The following PLPPR4 variants were observed in gnomAD, a reference collection of about 807,000 sequenced individuals.
PLPPR4 encodes the protein phospholipid phosphatase-related protein type 4.
A neutral mutation model predicts 56.6 loss-of-function variants in PLPPR4; 24 were observed. The observed-to-expected ratio is 0.42, with a 90% CI of 0.31 to 0.60. The LOEUF (loss-of-function observed/expected upper bound fraction) is 0.60. Ranked by LOEUF, PLPPR4 falls within the 20% of genes least tolerant of loss-of-function variation. The pLI is 0.13. For missense variants in PLPPR4, 654 were observed against 885.8 expected (o/e 0.74, Z 3.32); for synonymous variants, 326 against 328.1 (o/e 0.99, Z 0.07).
intron 1 of PLPPR4, among the ~76,000 whole-genome samples, chr1:99,280,970 G>C (rs1402082481): frequency 1.3e-5 from 2 of 152,132 alleles, no homozygotes; most frequent in African/African-American, 4.8e-5. Flanking sequence ...GCATGATGAG[G>C]TGTGAATTCT....
intron 1 of PLPPR4, among the ~76,000 whole-genome samples, chr1:99,270,890 TA>T (rs1428578608): frequency 6.6e-6 from 1 of 152,194 alleles, no homozygotes; most frequent in African/African-American, 2.4e-5. Flanking sequence ...TCACAATGCA[TA>T]AAGTCTGATG....
chr1:99,279,997 T>C lies in PLPPR4; in HGVS notation c.79-7968T>C, dbSNP rs144584815. ...ATTGGAACAAACAAAGCAATTTTCA[T>C]GTTTGGGTGATAAAGAATAAGTGAG... On this transcript the variant is annotated intron_variant, in intron 1 of 6. Coordinates refer to ENST00000370185, the MANE Select transcript of PLPPR4 (RefSeq NM_014839.5). 6.3e-3 allele frequency among the ~76,000 whole-genome samples: 964 copies of C among 152,252 alleles called. 24 individuals are homozygous for C. Among genetic ancestry groups the C allele is most frequent in the Non-Finnish European group, 4.3e-3 (294 of 68,012 alleles).
At chr1:99,298,783 T>A (rs1659809525) in intron 3 of PLPPR4, 1 of 609,444 alleles carries the variant, frequency 1.6e-6, no homozygotes, top group African/African-American at 1.9e-5. Context: ...CAGTTAATGT[T>A]AAGAATTGGC....
intron 1 of PLPPR4, among the ~76,000 whole-genome samples, chr1:99,269,400 C>T (rs753944043): frequency 2.0e-5 from 3 of 152,164 alleles, no homozygotes; most frequent in Non-Finnish European, 4.4e-5. Flanking sequence ...GTATATGTGT[C>T]TTTATAGTAG....
At chr1:99,297,725 A>G (rs1570921543) in intron 3 of PLPPR4, among the ~76,000 whole-genome samples, 3 of 152,086 alleles carry the variant, frequency 2.0e-5, no homozygotes, top group Admixed American at 2.0e-4. Flanking sequence ...TCCACTAAGC[A>G]TTTTCTTACC....
At chr1:99,288,241 C>A in intron 2 of PLPPR4, 91 bp downstream of exon 2, 2 of 1,106,690 alleles carry the variant, frequency 1.8e-6, no homozygotes, top group East Asian at 2.5e-5. Flanking sequence ...GCAAACAAAA[C>A]GTGAACTCTA....
intron 1 of PLPPR4, among the ~76,000 whole-genome samples, chr1:99,274,982 C>G (rs1416002494): frequency 6.6e-6 from 1 of 152,078 alleles, no homozygotes; most frequent in Non-Finnish European, 1.5e-5. Flanking sequence ...AATGAGTCAT[C>G]TCATTTAGGC....
Position 99,305,980 on chromosome 1 carries a change from A to G in PLPPR4, c.1118A>G (p.Asn373Ser), listed in dbSNP as rs749779838. The G allele has an allele frequency of 5.6e-6, 9 of 1,614,040 alleles. No individual in the cohort carries two copies. Among genetic ancestry groups the G allele is most frequent in the South Asian group, 1.1e-5 (1 of 91,078 alleles). ...TTCAGCAATACCTTGCCGCGAGCCA[A>G]TACCCCATCTGTAGAAGACCCTGTC... is the stretch of plus-strand genomic sequence containing the variant. ...VTFSNTLPRANTPSVEDPVRR... is the reference protein window; with the variant it reads ...VTFSNTLPRASTPSVEDPVRR... Residue 373 changes from asparagine to serine, a missense_variant, in exon 7 of 7, where the codon AAT becomes AGT. Physicochemically the swap from Asn to Ser is conservative, Grantham distance 46 (BLOSUM62 1). This residue lies in a region of PLPPR4 where 468 missense variants were observed against 554.3 expected (regional missense o/e 0.84). Coordinates refer to ENST00000370185, the MANE Select transcript of PLPPR4 (RefSeq NM_014839.5).
chr1:99,293,693 T>A (rs1659676079), intron 2 of PLPPR4, among the ~76,000 whole-genome samples: 1 of 152,172 alleles, frequency 6.6e-6, no homozygotes, highest in African/African-American at 2.4e-5. Flanking sequence ...ATGCAGAATA[T>A]TAGACATGTT....
intron 3 of PLPPR4, among the ~76,000 whole-genome samples, chr1:99,298,557 G>A (rs1659802691): frequency 6.6e-6 from 1 of 152,070 alleles, no homozygotes; most frequent in Non-Finnish European, 1.5e-5. Flanking sequence ...GTTTTAATTA[G>A]CATTCCTAGT....
chr1:99,295,207 CAT>C (rs1659713550), intron 2 of PLPPR4, among the ~76,000 whole-genome samples: 1 of 152,122 alleles, frequency 6.6e-6, no homozygotes, highest in South Asian at 2.1e-4. Context: ...GATTTTCACA[CAT>C]ATGGTTATAG....
intron 1 of PLPPR4, among the ~76,000 whole-genome samples, chr1:99,284,975 G>C (rs528230388): frequency 6.6e-6 from 1 of 152,072 alleles, no homozygotes; most frequent in East Asian, 1.9e-4. Context: ...TTCCTAAAAA[G>C]AAGTACTAGG....
intron 1 of PLPPR4, among the ~76,000 whole-genome samples, chr1:99,271,250 C>T (rs142468422): frequency 2.2e-4 from 33 of 152,314 alleles, no homozygotes; most frequent in African/African-American, 5.8e-4. Flanking sequence ...AACTACCCTA[C>T]TGAGAAGGCA....
Position 99,301,711 on chromosome 1 carries a change from T to G in PLPPR4, c.649-13T>G. The G allele has an allele frequency of 1.9e-6, 3 of 1,590,772 alleles. No individual in the cohort carries two copies. The highest frequency in any genetic ancestry group is 2.6e-6 in the Non-Finnish European group (3 of 1,166,076). On this transcript the variant is annotated splice_polypyrimidine_tract_variant and intron_variant, in intron 5 of 6. Transcript: ENST00000370185. The stretch of plus-strand genomic sequence containing the variant: ...CTTTCTAACATACTTAACCCATTTC[T>G]TCCATTTTTAAGATGTACTTCAATT...
chr1:99,263,162 G>T (rs1375905661), upstream of PLPPR4, among the ~76,000 whole-genome samples: 1 of 152,158 alleles, frequency 6.6e-6, no homozygotes, highest in Non-Finnish European at 1.5e-5. Context: ...GACCTACTTG[G>T]AGTTTGTGGT....
chr1:99,290,405 C>T (rs908964956), intron 2 of PLPPR4, among the ~76,000 whole-genome samples: 9 of 152,090 alleles, frequency 5.9e-5, no homozygotes, highest in Admixed American at 2.0e-4. Flanking sequence ...TCCCATTGAA[C>T]TACCAATGAT....
chr1:99,275,010 GA>G (rs1251221902), intron 1 of PLPPR4, among the ~76,000 whole-genome samples: 1 of 152,046 alleles, frequency 6.6e-6, no homozygotes, highest in Non-Finnish European at 1.5e-5. Flanking sequence ...TGATTCATTG[GA>G]ATCTTTTTTT....
At chr1:99,292,529 C>T (rs548534371) in intron 2 of PLPPR4, among the ~76,000 whole-genome samples, 1 of 152,290 alleles carries the variant, frequency 6.6e-6, no homozygotes, top group Non-Finnish European at 1.5e-5. Context: ...CACAGAACCT[C>T]CATAGCTGCT....
Position 99,304,392 on chromosome 1 carries a change from A to G in PLPPR4, c.823-1293A>G, listed in dbSNP as rs145075447. Among the ~76,000 whole-genome samples the G allele has an allele frequency of 8.1e-3, 1,228 of 152,320 alleles. 18 individuals carry two copies. The highest frequency in any genetic ancestry group is 0.028 in the African/African-American group (1,170 of 41,562). The stretch of plus-strand genomic sequence containing the variant: ...TGTAAGTGAACTTTATGATGTTCAC[A>G]CAATGACAAAATCACCTGTCAATGC... On this transcript the variant is annotated intron_variant, in intron 6 of 6. Coordinates refer to ENST00000370185, the MANE Select transcript of PLPPR4 (RefSeq NM_014839.5).
Sources: allele counts gnomAD v4.1 joint callset (sites outside exome capture counted in the v4.1 genomes callset), GRCh38; gene constraint gnomAD v4.1.1; regional missense constraint gnomAD v4.1.1; transcripts MANE v1.5; gene names NCBI Gene and HGNC (gene_info 2026-07-23, HGNC 2026-07-21).